ESR1: variants seen among roughly 807,000 people sequenced by gnomAD.
ESR1 encodes estrogen receptor 1, also known as estrogen receptor.
ESR1 carries 12 observed loss-of-function variants against 52.7 expected under a neutral mutation model. The observed-to-expected ratio is 0.23, with a 90% CI of 0.15 to 0.37. The LOEUF (loss-of-function observed/expected upper bound fraction) is 0.37. Ranked by LOEUF, ESR1 falls within the 10% of genes least tolerant of loss-of-function variation. The probability of loss-of-function intolerance (pLI) is 1.00; values close to 1 mark genes in which losing one functional copy is unlikely to be tolerated. For synonymous variants in ESR1, 305 were observed against 316.8 expected (o/e 0.96, Z 0.39); for missense variants, 584 against 779.7 (o/e 0.75, Z 2.99).
At chr6:151,743,192 G>C (rs953394819) in intron 2 of ESR1, among the ~76,000 whole-genome samples, 2 of 152,120 alleles carry the variant, frequency 1.3e-5, no homozygotes, top group Non-Finnish European at 2.9e-5. Context: ...AGAGCTCTGG[G>C]GGCTGACACT....
At chr6:151,978,911 A>G (rs988732142) in intron 4 of ESR1, among the ~76,000 whole-genome samples, 2 of 152,228 alleles carry the variant, frequency 1.3e-5, no homozygotes, top group African/African-American at 4.8e-5. Flanking sequence ...TGGTAAGTCA[A>G]ATATTGAGAA....
intron 2 of ESR1, among the ~76,000 whole-genome samples, chr6:151,777,145 C>G (rs1021516011): frequency 1.1e-4 from 16 of 146,630 alleles, no homozygotes; most frequent in African/African-American, 3.6e-4. Flanking sequence ...GAGACAGAGT[C>G]TTGCTCTTGT....
At chr6:151,714,724 T>A (rs1780892122) in intron 2 of ESR1, among the ~76,000 whole-genome samples, 1 of 152,226 alleles carries the variant, frequency 6.6e-6, no homozygotes, top group Non-Finnish European at 1.5e-5. Context: ...TTTGAGCCTA[T>A]GTGTATCTTT....
At chr6:152,059,752 C>T (rs1189566446) in intron 5 of ESR1, among the ~76,000 whole-genome samples, 1 of 149,774 alleles carries the variant, frequency 6.7e-6, no homozygotes, top group Non-Finnish European at 1.5e-5. Context: ...TATCCAAAGA[C>T]ATAAACATAA....
intron 2 of ESR1, among the ~76,000 whole-genome samples, chr6:151,845,472 G>A (rs997041147): frequency 2.0e-5 from 3 of 152,154 alleles, no homozygotes; most frequent in Non-Finnish European, 4.4e-5. Context: ...GGGAGGCTGA[G>A]GCAGGATAAT....
At chr6:151,971,800 C>G (rs770321158) in intron 4 of ESR1, among the ~76,000 whole-genome samples, 13 of 151,760 alleles carry the variant, frequency 8.6e-5, no homozygotes, top group Non-Finnish European at 1.8e-4. Flanking sequence ...AAAGAAATAA[C>G]GAAGATCAGA....
At chr6:151,999,363 A>G (rs1180751151) in intron 4 of ESR1, among the ~76,000 whole-genome samples, 2 of 152,108 alleles carry the variant, frequency 1.3e-5, no homozygotes, top group Non-Finnish European at 2.9e-5. Context: ...ACTTCCTTTA[A>G]TAGTTGATGA....
intron 4 of ESR1, among the ~76,000 whole-genome samples, chr6:151,953,708 G>A (rs1237266646): frequency 4.6e-5 from 7 of 150,692 alleles, no homozygotes; most frequent in Non-Finnish European, 1.0e-4. Context: ...GTGAGACTCC[G>A]TCTAAAAAAA....
chr6:152,042,041 G>A (rs541227719), intron 5 of ESR1, among the ~76,000 whole-genome samples: 2 of 152,334 alleles, frequency 1.3e-5, no homozygotes, highest in Admixed American at 6.5e-5. Context: ...GTTGAACGGG[G>A]ATGTGGTGGG....
chr6:152,006,047 A>G (rs1357321343), intron 4 of ESR1, among the ~76,000 whole-genome samples: 1 of 152,064 alleles, frequency 6.6e-6, no homozygotes, highest in Non-Finnish European at 1.5e-5. Context: ...CCTCCTTATT[A>G]TGGCAGGGCA....
chr6:151,980,229 G>A (rs2039862476), intron 4 of ESR1, among the ~76,000 whole-genome samples: 1 of 152,102 alleles, frequency 6.6e-6, no homozygotes, highest in Non-Finnish European at 1.5e-5. Flanking sequence ...ATTCCAATTT[G>A]TATTCTTCTT....
At chr6:151,906,840 A>G (rs1198424633) in intron 3 of ESR1, among the ~76,000 whole-genome samples, 1 of 151,296 alleles carries the variant, frequency 6.6e-6, no homozygotes, top group Non-Finnish European at 1.5e-5. Flanking sequence ...TGGACGCTAT[A>G]AAGTTATTTG....
At chr6:151,977,010 A>T (rs530409234) in intron 4 of ESR1, among the ~76,000 whole-genome samples, 1 of 152,296 alleles carries the variant, frequency 6.6e-6, no homozygotes, top group Admixed American at 6.5e-5. Flanking sequence ...TGGTGGCTAG[A>T]TGCCATGAAA....
At chr6:151,886,498 T>C (rs1200310701) in intron 3 of ESR1, among the ~76,000 whole-genome samples, 1 of 151,978 alleles carries the variant, frequency 6.6e-6, no homozygotes, top group African/African-American at 2.4e-5. Flanking sequence ...AACAAATAAA[T>C]CCAAAAATTA....
At chr6:152,109,817 C>A (rs1216837338) in intron 6 of ESR1, among the ~76,000 whole-genome samples, 1 of 152,182 alleles carries the variant, frequency 6.6e-6, no homozygotes, top group East Asian at 1.9e-4. Flanking sequence ...CTATAGATAA[C>A]CTGGGGTGCC....
At position 152,109,877 on chromosome 6, in the gene ESR1, C is replaced by G. The variant is rs140529006; in HGVS notation, c.851-15389C>G. ...TTTCCTGCAACGGGAGACACCTCTGCATGGATCCATAACCATGAAGCTACA... is the reference window on the plus strand; with the variant it reads ...TTTCCTGCAACGGGAGACACCTCTGGATGGATCCATAACCATGAAGCTACA... On this transcript the variant is annotated intron_variant, in intron 6 of 6. Transcript: ENST00000427531. 8.9e-3 allele frequency among the ~76,000 whole-genome samples: 1,349 copies of G among 152,276 alleles called. 27 individuals carry two copies. The highest frequency in any genetic ancestry group is 0.031 in the African/African-American group (1,297 of 41,546).
At chr6:152,064,729 C>T (rs1264760139) in intron 6 of ESR1, among the ~76,000 whole-genome samples, 1 of 151,956 alleles carries the variant, frequency 6.6e-6, no homozygotes, top group African/African-American at 2.4e-5. Context: ...TTTTGGATTC[C>T]TCACAGTCTA....
At position 152,098,464 on chromosome 6, in the gene ESR1, C is replaced by T. The variant is rs911681811; in HGVS notation, c.1554-268C>T. On this transcript the variant is annotated intron_variant, in intron 7 of 7. Transcript: ENST00000206249. This position sits in a 1 kb window ranked among gnomAD's most constrained non-coding sequence, Gnocchi z 5.1. Reference sequence around the variant, plus strand: ...GGAAGTCACCTGCATAGCAAATACCCTGAAAGTGGCTGCAGGGAGAGTGTG... The same window carrying T: ...GGAAGTCACCTGCATAGCAAATACCTTGAAAGTGGCTGCAGGGAGAGTGTG... 6.6e-6 allele frequency among the ~76,000 whole-genome samples: 1 copy of T among 151,960 alleles called. No homozygotes were observed. Among genetic ancestry groups the T allele is most frequent in the African/African-American group, 2.4e-5 (1 of 41,384 alleles).
chr6:151,925,904 G>C (rs2032657427), intron 3 of ESR1, among the ~76,000 whole-genome samples: 1 of 151,500 alleles, frequency 6.6e-6, no homozygotes, highest in African/African-American at 2.4e-5. Context: ...AATTTTTTCT[G>C]TTTTCTTCAA....
Sources: gnomAD v4.1 joint callset for allele counts (sites outside exome capture counted in the v4.1 genomes callset) on GRCh38, gnomAD v4.1.1 for gene constraint, Gnocchi (gnomAD v3.1) non-coding constraint, MANE v1.5 for transcripts, NCBI Gene and HGNC (gene_info 2026-07-23, HGNC 2026-07-21) for gene names.